The following DDR1 variants were observed in gnomAD, a reference collection of about 807,000 sequenced individuals.
DDR1 encodes the protein discoidin domain receptor tyrosine kinase 1, also known as epithelial discoidin domain-containing receptor 1.
DDR1 carries 64 observed loss-of-function variants against 97.4 expected under a neutral mutation model. That is an observed-to-expected ratio of 0.66 (90% CI 0.54 to 0.81). DDR1 has a LOEUF of 0.81. DDR1 is among the 30% of genes least tolerant of loss of function. The pLI, the probability that DDR1 is intolerant of heterozygous loss-of-function variation, is 0.00. For synonymous variants in DDR1, 458 were observed against 503.7 expected (o/e 0.91, Z 1.21); for missense variants, 990 against 1,259.6 (o/e 0.79, Z 3.24).
rs561834338 is a variant in DDR1, at chr6:30,888,888, C to T, written c.86-20C>T. 6.2e-7 allele frequency: 1 copy of T among 1,612,834 alleles called. No homozygotes were observed. Among genetic ancestry groups the T allele is most frequent in the East Asian group, 2.2e-5 (1 of 44,890 alleles). On this transcript the variant is annotated intron_variant, in intron 2 of 17. Transcript: ENST00000376568. This position sits in a 1 kb window ranked among gnomAD's most constrained non-coding sequence, Gnocchi z 4.2. ...GAGAGTTGGGGGCCTTGACCTGTTACATGCCTGCTTTTTACTCAGCCAAGT... is the reference window on the plus strand; with the variant it reads ...GAGAGTTGGGGGCCTTGACCTGTTATATGCCTGCTTTTTACTCAGCCAAGT...
upstream of DDR1, among the ~76,000 whole-genome samples, chr6:30,882,229 C>T (rs1784419507): frequency 1.3e-5 from 2 of 152,354 alleles, no homozygotes; most frequent in South Asian, 4.1e-4. The surrounding 1 kb of genome is among the most constrained non-coding windows in gnomAD (Gnocchi z 4.8). Context: ...GCCTTCTCCC[C>T]TCTCCTACGT....
In DDR1 at chr6:30,891,227, ACT is replaced by A. The variant is rs1191733549; in HGVS notation, c.565+110_565+111del. The A allele has an allele frequency of 2.0e-6, 3 of 1,525,266 alleles. No homozygotes were observed. In the African/African-American group the frequency reaches 4.1e-5, roughly 21 times the overall value. 94.5% of individuals were successfully genotyped at this position (1,525,266 alleles called of 1,614,324 possible). A position where few individuals can be genotyped will look rare whatever the true frequency, so the allele number is the denominator to read the frequency against. On this transcript the variant is annotated intron_variant, in intron 5 of 17. Transcript: ENST00000376568. This position sits in a 1 kb window ranked among gnomAD's most constrained non-coding sequence, Gnocchi z 5.3. ...TCCCTTCTCCTGCTGGGAAGCTGTC[ACT>A]CTGAGGAGGGGGCTAGCCAGCATTG...
Position 30,889,430 on chromosome 6 carries a change from GGTGA to G in DDR1, c.417+2_417+5del. On this transcript the variant is annotated splice_donor_variant and splice_donor_region_variant and intron_variant, in intron 4 of 17. Transcript: ENST00000376568. LOFTEE classifies it high-confidence loss of function. The surrounding 1 kb of genome is among the most constrained non-coding windows in gnomAD (Gnocchi z 4.9). ...GCTGGAAGGACCGCTGGGGTCAGGA[GGTGA>G]GACTGGCAGGGGCAGCACCCAGAGG... The G allele has an allele frequency of 6.6e-7, 1 of 1,524,008 alleles. No individual in the cohort carries two copies. The highest frequency in any genetic ancestry group is 8.8e-7 in the Non-Finnish European group (1 of 1,137,180). 94.4% of individuals were successfully genotyped at this position (1,524,008 alleles called of 1,614,324 possible).
rs1265142679 is a variant in DDR1, at chr6:30,890,104, A to C, written c.417+674A>C. On this transcript the variant is annotated intron_variant, in intron 4 of 17. Transcript: ENST00000376568. The surrounding 1 kb of genome is among the most constrained non-coding windows in gnomAD (Gnocchi z 5.0). ...CTTTTCTGCCTGGAGTCAAATCTCC[A>C]CCTGGGGGGGCGGCATCCAGTGGAC... is the stretch of plus-strand genomic sequence containing the variant. 1.3e-5 allele frequency among the ~76,000 whole-genome samples: 2 copies of C among 152,002 alleles called. No homozygotes were observed. Among genetic ancestry groups the C allele is most frequent in the African/African-American group, 4.8e-5 (2 of 41,384 alleles).
rs1035288810 is a variant in DDR1, at chr6:30,898,248, C to T, written c.2392C>T (p.Arg798Cys). The T allele has an allele frequency of 9.3e-6, 15 of 1,614,088 alleles. No homozygotes were observed. Among genetic ancestry groups the T allele is most frequent in the East Asian group, 2.2e-5 (1 of 44,882 alleles). Residue 798 changes from arginine (R) to cysteine (C), a missense_variant, in exon 16 of 18, where the codon CGT becomes TGT. Transcript: ENST00000376568. ...GAACCTCTATGCTGGGGACTATTACCGTGTGCAGGGCCGGGCAGTGCTGCC... is the reference window on the plus strand; with the variant it reads ...GAACCTCTATGCTGGGGACTATTACTGTGTGCAGGGCCGGGCAGTGCTGCC... ...SRNLYAGDYY[R>C]VQGRAVLPIR...
At chr6:30,896,504 C>G (rs1488227195) in intron 12 of DDR1, 117 bp from the exon 13 acceptor site, 9 of 1,305,768 alleles carry the variant, frequency 6.9e-6, no homozygotes, top group Non-Finnish European at 9.5e-6. Context: ...AGCATAGACC[C>G]AGTCTCTCAC....
chr6:30,896,491 T>C, intron 12 of DDR1, 130 bp from the exon 13 acceptor site: 1 of 1,187,946 alleles, frequency 8.4e-7, no homozygotes, highest in Non-Finnish European at 1.2e-6. Flanking sequence ...ACTGGGAAGA[T>C]ACAGCATAGA....
In DDR1 at chr6:30,887,831, C is replaced by T. The variant is rs534253910; in HGVS notation, c.-42-857C>T. Among the ~76,000 whole-genome samples, 22 of 152,200 alleles carry T rather than the reference C, an allele frequency of 1.4e-4. No homozygotes were observed. In the South Asian group the frequency reaches 4.1e-3, roughly 29 times the overall value. On this transcript the variant is annotated intron_variant, in intron 1 of 17. Coordinates refer to ENST00000376568, the MANE Select transcript of DDR1 (RefSeq NM_001297654.2). ...ACCAGGCTGGTCTCTAACTCCTGGC[C>T]TCAAGTGATCCTCCCATCTCGGCCT...
At position 30,897,572 on chromosome 6, in the gene DDR1, C is replaced by T; in HGVS notation, c.2191C>T (p.Gln731Ter). ...AGCCGAGGGGGCCCCTGGGGACGGG[C>T]AGGCTGCGCAGGGGCCCACCATCAG... ...KAAEGAPGDG[Q>*]AAQGPTISYP... The change falls in exon 15 of 18, where the codon CAG becomes TAG. Residue 731 changes from glutamine to a stop codon, truncating the protein, a stop_gained. Transcript: ENST00000376568. LOFTEE classifies it high-confidence loss of function. The surrounding 1 kb of genome is among the most constrained non-coding windows in gnomAD (Gnocchi z 5.2). 6.2e-7 allele frequency: 1 copy of T among 1,612,386 alleles called. No individual in the cohort carries two copies. The highest frequency in any genetic ancestry group is 8.5e-7 in the Non-Finnish European group (1 of 1,179,876).
At position 30,894,273 on chromosome 6, in the gene DDR1, A is replaced by C. The variant is rs1192912561; in HGVS notation, c.1348-233A>C. Among the ~76,000 whole-genome samples the C allele has an allele frequency of 6.6e-6, 1 of 152,050 alleles. No individual in the cohort carries two copies. Among genetic ancestry groups the C allele is most frequent in the African/African-American group, 2.4e-5 (1 of 41,390 alleles). On this transcript the variant is annotated intron_variant, in intron 10 of 17. Transcript: ENST00000376568. The surrounding 1 kb of genome is among the most constrained non-coding windows in gnomAD (Gnocchi z 5.7). The stretch of plus-strand genomic sequence containing the variant: ...AAAAAAACAAACAAACAAAAAAAAA[A>C]CGGTTGATAGTTATGGACTGGGCAG...
In DDR1 at chr6:30,898,059, G is replaced by A. The variant is rs368063339; in HGVS notation, c.2217-14G>A. 2.5e-4 allele frequency: 406 copies of A among 1,606,846 alleles called. 1 individual carries two copies. Among genetic ancestry groups the A allele is most frequent in the South Asian group, 2.1e-3 (195 of 90,908 alleles). ...AAGCTGCCCCCAGTGACCTTCTGTC[G>A]GTTCCCTTCTCAGCTACCCAATGCT... On this transcript the variant is annotated splice_polypyrimidine_tract_variant and intron_variant, in intron 15 of 17. Transcript: ENST00000376568.
At position 30,888,599 on chromosome 6, in the gene DDR1, A is replaced by G. The variant is rs1786751966; in HGVS notation, c.-42-89A>G. 1.4e-6 allele frequency: 2 copies of G among 1,399,680 alleles called. No homozygotes were observed. The highest frequency in any genetic ancestry group is 1.4e-5 in the African/African-American group (1 of 69,104). 86.7% of individuals were successfully genotyped at this position (1,399,680 alleles called of 1,614,324 possible). On this transcript the variant is annotated intron_variant, in intron 1 of 17. Transcript: ENST00000376568. This position sits in a 1 kb window ranked among gnomAD's most constrained non-coding sequence, Gnocchi z 4.2. ...CTGTTGTTGTTGTTTTACTGTTATTATCCCCAAAGCGGCCCATTCTGTCTG... is the reference window on the plus strand; with the variant it reads ...CTGTTGTTGTTGTTTTACTGTTATTGTCCCCAAAGCGGCCCATTCTGTCTG...
At position 30,897,192 on chromosome 6, in the gene DDR1, T is replaced by C. The variant is rs1418500634; in HGVS notation, c.1997+51T>C. 6 of 1,595,926 alleles carry C rather than the reference T, an allele frequency of 3.8e-6. No homozygotes were observed. The South Asian group carries it at 5.6e-5, about 15-fold the overall frequency. On this transcript the variant is annotated intron_variant, in intron 14 of 17. Transcript: ENST00000376568. The surrounding 1 kb of genome is among the most constrained non-coding windows in gnomAD (Gnocchi z 5.2). ...AGAAGGGAGGGGAGGCCGTGAAGAG[T>C]GGGGAGCCATCTAGAGAGAACAATG...
intron 13 of DDR1, 60 bp from the exon 14 acceptor site, chr6:30,896,954 T>C: frequency 6.3e-7 from 1 of 1,580,156 alleles, no homozygotes; most frequent in Non-Finnish European, 8.6e-7. Context: ...CTTAGTCATT[T>C]GTAACCGTGT....
chr6:30,892,240 T>G, intron 7 of DDR1, 52 bp downstream of exon 7: 1 of 1,606,152 alleles, frequency 6.2e-7, no homozygotes, highest in South Asian at 1.1e-5. Context: ...AGGGTGCCGT[T>G]GGGGTGCCCC....
Position 30,895,481 on chromosome 6 carries a change from AC to A in DDR1, c.1592del (p.Thr531AsnfsTer122). On this transcript the variant is annotated frameshift_variant, in exon 12 of 18. Coordinates refer to ENST00000376568, the MANE Select transcript of DDR1 (RefSeq NM_001297654.2). LOFTEE classifies it high-confidence loss of function. ...TCCCCCTCGAGGCCCGGGCCCCCCC[AC>A]ACCCGCCTGGGCCAAACCCACCAAC... ...ARPPRGPGPP[T>X]PAWAKPTNTQ... is the part of the protein sequence containing the mutation. 1 of 1,600,406 alleles carries A rather than the reference AC, an allele frequency of 6.2e-7. No individual in the cohort carries two copies. The highest frequency in any genetic ancestry group is 8.5e-7 in the Non-Finnish European group (1 of 1,176,598).
rs994684080 is a variant in DDR1 at position 30,891,550 on chromosome 6, TGTGTGTGA to T, written c.665+73_665+80del. ...GACTGTGTGTGTGTGTGTGTGTGTG[TGTGTGTGA>T]GAGTGTGTGTGTGTAGGGGGGCTGG... On this transcript the variant is annotated intron_variant, in intron 6 of 17. Coordinates refer to ENST00000376568, the MANE Select transcript of DDR1 (RefSeq NM_001297654.2). The surrounding 1 kb of genome is among the most constrained non-coding windows in gnomAD (Gnocchi z 5.3). The T allele has an allele frequency of 9.8e-5, 94 of 957,592 alleles. No individual in the cohort carries two copies. The highest frequency in any genetic ancestry group is 2.3e-4 in the Admixed American group (11 of 48,346). The allele number at this position is 957,592 out of a possible 1,614,324, so 59.3% of individuals were successfully genotyped here.
chr6:30,887,509 T>C (rs1451900929), intron 1 of DDR1, among the ~76,000 whole-genome samples: 1 of 152,214 alleles, frequency 6.6e-6, no homozygotes, highest in African/African-American at 2.4e-5. Flanking sequence ...TGGGTGCTTG[T>C]TTATTCTATT....
upstream of DDR1, among the ~76,000 whole-genome samples, chr6:30,882,227 C>CCCTCTCCTACGTG (rs1784419129): frequency 6.6e-6 from 1 of 152,240 alleles, no homozygotes; most frequent in Non-Finnish European, 1.5e-5. This position sits in a 1 kb window ranked among gnomAD's most constrained non-coding sequence, Gnocchi z 4.8. Flanking sequence ...CTGCCTTCTC[C>CCCTCTCCTACGTG]CCTCTCCTAC....
Sources: gnomAD v4.1 joint callset for allele counts (sites outside exome capture counted in the v4.1 genomes callset) on GRCh38, gnomAD v4.1.1 for gene constraint, Gnocchi (gnomAD v3.1) non-coding constraint, MANE v1.5 for transcripts, NCBI Gene and HGNC (gene_info 2026-07-23, HGNC 2026-07-21) for gene names.